CCNT1: variants seen among roughly 807,000 people sequenced by gnomAD.
CCNT1 encodes the protein cyclin T1.
CCNT1 carries 18 observed loss-of-function variants against 67.3 expected under a neutral mutation model. The ratio of observed to expected loss-of-function variants is 0.27; its 90% CI spans 0.18 to 0.40. The LOEUF is 0.40. Ranked by LOEUF, CCNT1 falls within the 10% of genes least tolerant of loss-of-function variation. The pLI is 1.00. For missense variants in CCNT1, 744 were observed against 884.9 expected (o/e 0.84, Z 2.02); for synonymous variants, 333 against 310.3 (o/e 1.07, Z -0.77).
intron 2 of CCNT1, among the ~76,000 whole-genome samples, chr12:48,713,470 T>C (rs1257994227): frequency 1.3e-5 from 2 of 152,252 alleles, no homozygotes; most frequent in South Asian, 2.1e-4. Context: ...TCTTTTGCTG[T>C]GACCATATTT....
chr12:48,705,922 T>C, intron 2 of CCNT1, 26 bp from the exon 3 acceptor site: 1 of 1,597,236 alleles, frequency 6.3e-7, no homozygotes, highest in Non-Finnish European at 8.5e-7. Context: ...ATAAATCATA[T>C]TTATTATCAA....
chr12:48,707,055 A>T (rs1309488125), intron 2 of CCNT1, among the ~76,000 whole-genome samples: 1 of 152,318 alleles, frequency 6.6e-6, no homozygotes, highest in East Asian at 1.9e-4. Context: ...ACACATACGG[A>T]AAAAACTGTT....
rs562415717 is a variant in CCNT1 at position 48,716,483 on chromosome 12, T to C, written c.161+32A>G. Reference sequence around the variant, plus strand: ...GACGCCAGAGCATGGCGGGACCAACTCCAAGGCCGAAGGCCTAGGCCACAA... The same window carrying C: ...GACGCCAGAGCATGGCGGGACCAACCCCAAGGCCGAAGGCCTAGGCCACAA... On this transcript the variant is annotated intron_variant, in intron 1 of 8. Coordinates refer to ENST00000261900, the MANE Select transcript of CCNT1 (RefSeq NM_001240.4). The C allele has an allele frequency of 3.8e-6, 6 of 1,581,166 alleles. No homozygotes were observed. The South Asian group carries it at 5.7e-5, about 15-fold the overall frequency.
rs1044045075 is a variant in CCNT1 at position 48,690,160 on chromosome 12, T to A, written c.*2873A>T. 5.9e-5 allele frequency: 9 copies of A among 152,218 alleles called. No homozygotes were observed. Among genetic ancestry groups the A allele is most frequent in the Non-Finnish European group, 1.3e-4 (9 of 68,038 alleles). 9.4% of individuals were successfully genotyped at this position (152,218 alleles called of 1,614,324 possible). A position where few individuals can be genotyped will look rare whatever the true frequency, so the allele number is the denominator to read the frequency against. On this transcript the variant is annotated 3_prime_UTR_variant, in exon 9 of 9. Transcript: ENST00000261900. ...AGTTCAGCTAACAGCAACACAGGTA[T>A]CTGATTAAAAGCCTTAAGGACAATC... is the stretch of plus-strand genomic sequence containing the variant.
At chr12:48,711,529 T>C (rs1057437690) in intron 2 of CCNT1, among the ~76,000 whole-genome samples, 3 of 152,188 alleles carry the variant, frequency 2.0e-5, no homozygotes, top group Admixed American at 6.5e-5. Context: ...GTCTTTATCA[T>C]AATAAAAGGG....
Position 48,706,030 on chromosome 12 carries a change from G to A in CCNT1, c.244-134C>T, listed in dbSNP as rs74088142. 1.8e-3 allele frequency: 1,280 copies of A among 707,514 alleles called. 13 individuals carry two copies. In the African/African-American group the frequency reaches 0.021, roughly 12 times the overall value. The allele number at this position is 707,514 out of a possible 1,614,324, so 43.8% of individuals were successfully genotyped here. A position where few individuals can be genotyped will look rare whatever the true frequency, so the allele number is the denominator to read the frequency against. On this transcript the variant is annotated intron_variant, in intron 2 of 8. Transcript: ENST00000261900. ...CTTTGTCACCTCTTTACCCTTTCCC[G>A]CCCCCCCGCTTCTACCATCTTCCCC...
At chr12:48,699,719 C>T (rs925628094) in intron 5 of CCNT1, 59 bp downstream of exon 5, 8 of 1,254,648 alleles carry the variant, frequency 6.4e-6, no homozygotes, top group African/African-American at 1.5e-5. Context: ...CCACCACAAA[C>T]CACAACCTCT....
intron 2 of CCNT1, among the ~76,000 whole-genome samples, chr12:48,712,938 C>G (rs529031681): frequency 5.8e-4 from 87 of 150,342 alleles, no homozygotes; most frequent in African/African-American, 2.1e-3. Flanking sequence ...GAAACTCCAT[C>G]TCAAAAAAAA....
chr12:48,694,504 A>AGATTGTACTT, intron 8 of CCNT1, 68 bp from the exon 9 acceptor site: 2 of 1,406,090 alleles, frequency 1.4e-6, no homozygotes, highest in Non-Finnish European at 2.0e-6. Context: ...TGAGATGAGT[A>AGATTGTACTT]GATTGTACTT....
chr12:48,714,994 G>A (rs752036430), intron 1 of CCNT1, among the ~76,000 whole-genome samples: 14 of 152,254 alleles, frequency 9.2e-5, no homozygotes, highest in Non-Finnish European at 1.6e-4. Context: ...TGTATTTTTA[G>A]TAGAGACATG....
At chr12:48,701,639 C>T (rs1940271272) in intron 3 of CCNT1, among the ~76,000 whole-genome samples, 1 of 151,450 alleles carries the variant, frequency 6.6e-6, no homozygotes, top group African/African-American at 2.4e-5. Flanking sequence ...TGGAGTTTCG[C>T]TCTTGTTGCC....
At position 48,692,894 on chromosome 12, in the gene CCNT1, CCTAA is replaced by C. The variant is rs966742950; in HGVS notation, c.*135_*138del. 101 of 630,722 alleles carry C rather than the reference CCTAA, an allele frequency of 1.6e-4. No individual in the cohort carries two copies. The highest frequency in any genetic ancestry group is 2.9e-4 in the African/African-American group (16 of 54,606). The allele number at this position is 630,722 out of a possible 1,614,324, so 39.1% of individuals were successfully genotyped here. On this transcript the variant is annotated 3_prime_UTR_variant, in exon 9 of 9. Coordinates refer to ENST00000261900, the MANE Select transcript of CCNT1 (RefSeq NM_001240.4). ...TATAGCCAAGGCCTTCTACCACCCT[CCTAA>C]CTATGTCTCAATATCAATTTATTCC... is the stretch of plus-strand genomic sequence containing the variant.
chr12:48,712,595 T>TA (rs759919820), intron 2 of CCNT1, among the ~76,000 whole-genome samples: 2 of 33,362 alleles, frequency 6.0e-5, no homozygotes, highest in African/African-American at 1.5e-4. Context: ...AAAAAAAAAA[T>TA]AAAAAAAAAA....
intron 3 of CCNT1, among the ~76,000 whole-genome samples, chr12:48,701,451 AAAAT>A (rs888714880): frequency 9.2e-5 from 14 of 151,864 alleles, no homozygotes; most frequent in African/African-American, 3.1e-4. Context: ...TTTTCTTTAA[AAAAT>A]AAATAAATAA....
At chr12:48,708,173 A>G (rs1038432147) in intron 2 of CCNT1, among the ~76,000 whole-genome samples, 2 of 152,146 alleles carry the variant, frequency 1.3e-5, no homozygotes, top group Non-Finnish European at 2.9e-5. Context: ...CCAAAGTTCA[A>G]GATCAGCCTG....
At chr12:48,713,918 A>G (rs1565622391) in intron 2 of CCNT1, among the ~76,000 whole-genome samples, 1 of 152,006 alleles carries the variant, frequency 6.6e-6, no homozygotes, top group Non-Finnish European at 1.5e-5. Context: ...TTTTGAAGAC[A>G]GGGTCTCACT....
chr12:48,693,699 C>A lies in CCNT1; in HGVS notation c.1515G>T (p.Glu505Asp). ...SVEDSVTKSR[E>D]HKEKHKTHPS... ...GGTGAGTCTTGTGCTTTTCTTTGTG[C>A]TCTCGGCTCTTTGTAACACTGTCCT... Residue 505 changes from glutamate to aspartate, a missense_variant, in exon 9 of 9, where the codon GAG (glutamate) becomes GAT (aspartate). Coordinates refer to ENST00000261900, the MANE Select transcript of CCNT1 (RefSeq NM_001240.4). 6.2e-7 allele frequency: 1 copy of A among 1,614,080 alleles called. No individual in the cohort carries two copies. Among genetic ancestry groups the A allele is most frequent in the Non-Finnish European group, 8.5e-7 (1 of 1,180,030 alleles).
chr12:48,714,053 C>T (rs1592128011), intron 2 of CCNT1, among the ~76,000 whole-genome samples: 1 of 152,090 alleles, frequency 6.6e-6, no homozygotes, highest in Admixed American at 6.6e-5. Context: ...CCACAACACC[C>T]AGCTACTTGC....
chr12:48,693,484 G>A lies in CCNT1; in HGVS notation c.1730C>T (p.Ser577Phe), dbSNP rs139927295. 6.2e-7 allele frequency: 1 copy of A among 1,614,208 alleles called. No homozygotes were observed. Among genetic ancestry groups the A allele is most frequent in the Non-Finnish European group, 8.5e-7 (1 of 1,180,046 alleles). The change falls in exon 9 of 9, where the codon TCT becomes TTT. Residue 577 changes from serine to phenylalanine, a missense_variant. By Grantham distance (155) the Ser-to-Phe change is radical. Transcript: ENST00000261900. ...AAACACAGCCCCTCCAGTCTCTTCA[G>A]AGGGTCCCCTTTTACGAGTAGAACT... Reference protein sequence around the residue: ...SSSSTRKRGPSEETGGAVFDH... With the variant: ...SSSSTRKRGPFEETGGAVFDH...
Sources: gnomAD v4.1 joint callset for allele counts (sites outside exome capture counted in the v4.1 genomes callset) on GRCh38, gnomAD v4.1.1 for gene constraint, MANE v1.5 for transcripts, NCBI Gene and HGNC (gene_info 2026-07-23, HGNC 2026-07-21) for gene names.